Variants in CMSS1 observed in about 807,000 individuals in gnomAD.
CMSS1 encodes the protein cms1 ribosomal small subunit homolog.
Under a neutral mutation model 43.5 loss-of-function variants are expected in CMSS1, and 33 were observed. The observed-to-expected ratio is 0.76, with a 90% confidence interval of 0.57 to 1.01. The LOEUF is 1.01. Among genes scored for constraint, CMSS1 ranks in the 50% least tolerant of loss-of-function variants. The probability of loss-of-function intolerance (pLI) is 0.00; values close to 1 mark genes in which losing one functional copy is unlikely to be tolerated. For synonymous variants in CMSS1, 115 were observed against 117.2 expected (o/e 0.98, Z 0.12); for missense variants, 313 against 326.4 (o/e 0.96, Z 0.32).
intron 1 of CMSS1, among the ~76,000 whole-genome samples, chr3:99,968,240 C>T (rs376526031): frequency 1.9e-4 from 29 of 152,178 alleles, no homozygotes; most frequent in African/African-American, 6.0e-4. Flanking sequence ...TATGTTCATA[C>T]GCCCTCAGTG....
At chr3:99,997,579 A>G (rs1709719723) in intron 1 of CMSS1, among the ~76,000 whole-genome samples, 1 of 152,182 alleles carries the variant, frequency 6.6e-6, no homozygotes, top group East Asian at 1.9e-4. Context: ...AATATTCACA[A>G]TAGATGGTAG....
At chr3:100,029,568 C>A (rs910654609) in intron 1 of CMSS1, among the ~76,000 whole-genome samples, 2 of 152,126 alleles carry the variant, frequency 1.3e-5, no homozygotes, top group Admixed American at 1.3e-4. Context: ...AAAGACATAG[C>A]TTTTCTTTGA....
chr3:100,170,436 C>T (rs1333978248), intron 6 of CMSS1, among the ~76,000 whole-genome samples: 4 of 152,136 alleles, frequency 2.6e-5, no homozygotes, highest in African/African-American at 2.4e-5. Context: ...AAAATCACAT[C>T]GATAAATCCC....
At chr3:99,946,785 A>G (rs529156099) in intron 1 of CMSS1, among the ~76,000 whole-genome samples, 165 of 152,272 alleles carry the variant, frequency 1.1e-3, no homozygotes, top group African/African-American at 3.8e-3. Context: ...TTCTTCCAGT[A>G]TGTTGGCTGC....
chr3:100,049,546 A>G (rs2065335112), intron 1 of CMSS1, among the ~76,000 whole-genome samples: 1 of 152,208 alleles, frequency 6.6e-6, no homozygotes, highest in Admixed American at 6.5e-5. Context: ...TTGAGGGAAT[A>G]AAAGTGATTA....
intron 1 of CMSS1, among the ~76,000 whole-genome samples, chr3:99,913,304 T>G (rs1221915790): frequency 6.6e-6 from 1 of 152,202 alleles, no homozygotes; most frequent in Non-Finnish European, 1.5e-5. Context: ...AATGCACCAT[T>G]TTACATTACT....
intron 1 of CMSS1, among the ~76,000 whole-genome samples, chr3:99,922,059 C>T (rs1420060455): frequency 2.0e-5 from 3 of 152,194 alleles, no homozygotes; most frequent in Non-Finnish European, 4.4e-5. Flanking sequence ...ACATTCCCAC[C>T]ATAAATCTGT....
At chr3:99,826,708 A>G (rs181387543) in intron 1 of CMSS1, among the ~76,000 whole-genome samples, 3 of 152,352 alleles carry the variant, frequency 2.0e-5, no homozygotes, top group Non-Finnish European at 4.4e-5. Context: ...GTTACTTAGT[A>G]GTTATCAGCT....
intron 1 of CMSS1, among the ~76,000 whole-genome samples, chr3:99,944,728 C>T (rs948158749): frequency 6.6e-6 from 1 of 152,186 alleles, no homozygotes; most frequent in Non-Finnish European, 1.5e-5. Context: ...AATTCCTTCT[C>T]TTTAGGAAGA....
intron 1 of CMSS1, among the ~76,000 whole-genome samples, chr3:100,010,776 G>A (rs989619011): frequency 9.5e-6 from 1 of 105,144 alleles, no homozygotes; most frequent in African/African-American, 3.8e-5. Flanking sequence ...CTCCACGCCC[G>A]GATTTTTTTT....
In CMSS1 at chr3:100,028,893, A is replaced by G. The variant is rs570065679; in HGVS notation, c.65-118080A>G. On this transcript the variant is annotated intron_variant, in intron 1 of 9. Coordinates refer to ENST00000421999, the MANE Select transcript of CMSS1 (RefSeq NM_032359.4). ...ATACACCTTTTTACTGAGGTGTGTA[A>G]CACACACAAAGACACACACACACAT... 1.0e-3 allele frequency among the ~76,000 whole-genome samples: 155 copies of G among 152,330 alleles called. 1 individual carries two copies. The highest frequency in any genetic ancestry group is 2.6e-3 in the Admixed American group (39 of 15,288).
chr3:99,926,993 G>A (rs984144616), intron 1 of CMSS1, among the ~76,000 whole-genome samples: 2 of 152,078 alleles, frequency 1.3e-5, no homozygotes, highest in Middle Eastern at 3.2e-3. Flanking sequence ...TCTCCTGTTC[G>A]GGGCCAAAAG....
At chr3:99,892,016 C>T (rs1226257509) in intron 1 of CMSS1, among the ~76,000 whole-genome samples, 2 of 152,104 alleles carry the variant, frequency 1.3e-5, no homozygotes, top group Non-Finnish European at 2.9e-5. Context: ...ACAGTTGTTA[C>T]TTCTTAGTTC....
In CMSS1 at chr3:99,984,280, A is replaced by G. The variant is rs148714747; in HGVS notation, c.65-162693A>G. Among the ~76,000 whole-genome samples, 345 of 152,320 alleles carry G rather than the reference A, an allele frequency of 2.3e-3. 1 individual carries two copies. Among genetic ancestry groups the G allele is most frequent in the African/African-American group, 7.4e-3 (308 of 41,576 alleles). Reference sequence around the variant, plus strand: ...ATTTATTATGTAGAGTGTCCTGTCAAACAAAATGAAAGGCTATATTTTGTC... The same window carrying G: ...ATTTATTATGTAGAGTGTCCTGTCAGACAAAATGAAAGGCTATATTTTGTC... On this transcript the variant is annotated intron_variant, in intron 1 of 9. Coordinates refer to ENST00000421999, the MANE Select transcript of CMSS1 (RefSeq NM_032359.4).
intron 2 of CMSS1, chr3:100,159,713 G>C (rs146455093): frequency 2.0e-4 from 52 of 257,636 alleles, no homozygotes; most frequent in Non-Finnish European, 3.5e-4. Flanking sequence ...CAAGGTCTTA[G>C]TCCAAATTTC....
intron 1 of CMSS1, chr3:100,114,872 A>C (rs767448529): frequency 7.3e-6 from 8 of 1,092,772 alleles, no homozygotes; most frequent in Non-Finnish European, 1.1e-5. Flanking sequence ...AAGGCACTGT[A>C]AACATTCGCT....
chr3:99,849,480 A>G (rs1479050771), intron 1 of CMSS1: 2 of 1,613,618 alleles, frequency 1.2e-6, no homozygotes, highest in Non-Finnish European at 1.7e-6. Flanking sequence ...TTAGGTCTTC[A>G]GTTGCCATGT....
At chr3:99,826,142 A>C (rs537365995) in intron 1 of CMSS1, among the ~76,000 whole-genome samples, 5 of 152,344 alleles carry the variant, frequency 3.3e-5, no homozygotes, top group African/African-American at 1.2e-4. Flanking sequence ...ATGCATTCAT[A>C]GAATTATACA....
At chr3:99,897,880 C>T (rs746505130) in intron 1 of CMSS1, among the ~76,000 whole-genome samples, 1 of 152,166 alleles carries the variant, frequency 6.6e-6, no homozygotes, top group African/African-American at 2.4e-5. Context: ...AAACAAATGA[C>T]CACGAATATG....
Sources: gnomAD v4.1 joint callset for allele counts (sites outside exome capture counted in the v4.1 genomes callset) on GRCh38, gnomAD v4.1.1 for gene constraint, MANE v1.5 for transcripts, NCBI Gene and HGNC (gene_info 2026-07-23, HGNC 2026-07-21) for gene names.